Variants in TMEM233 observed in about 807,000 individuals in gnomAD.
The protein encoded by TMEM233 is transmembrane protein 233.
In TMEM233, 6 loss-of-function variants were observed where a neutral mutation model predicts 11.2. That is an observed-to-expected ratio of 0.54 (90% CI 0.29 to 1.06). TMEM233 has a LOEUF of 1.06. TMEM233 is among the 50% of genes least tolerant of loss of function. TMEM233 has a pLI of 0.08. For synonymous variants in TMEM233, 59 were observed against 55.8 expected, an observed-to-expected ratio of 1.06 and a Z score of -0.26; for missense variants, 127 against 144.7, an observed-to-expected ratio of 0.88 and a Z score of 0.63.
chr12:119,608,242 C>A (rs542678295), intron 1 of TMEM233, among the ~76,000 whole-genome samples: 14 of 152,298 alleles, frequency 9.2e-5, no homozygotes, highest in African/African-American at 3.4e-4. Flanking sequence ...AGAGAGAGGG[C>A]ACCTGATGCT....
intron 2 of TMEM233, among the ~76,000 whole-genome samples, chr12:119,633,672 G>C (rs1233807852): frequency 6.6e-6 from 1 of 152,168 alleles, no homozygotes; most frequent in South Asian, 2.1e-4. Flanking sequence ...GAGAGACAGA[G>C]AGAAAGAAGG....
At position 119,594,722 on chromosome 12, in the gene TMEM233, C is replaced by G. The variant is rs1953998793; in HGVS notation, c.186+688C>G. On this transcript the variant is annotated intron_variant, in intron 1 of 2. Coordinates refer to ENST00000426426, the MANE Select transcript of TMEM233 (RefSeq NM_001136534.3). The surrounding 1 kb of genome is among the most constrained non-coding windows in gnomAD (Gnocchi z 5.6). ...TTCCTCTCCTTGCCTCCCTCCGGCGCCCCCTTTTTAACGCGCCCGAGGCTG... is the reference window on the plus strand; with the variant it reads ...TTCCTCTCCTTGCCTCCCTCCGGCGGCCCCTTTTTAACGCGCCCGAGGCTG... Among the ~76,000 whole-genome samples, 1 of 152,174 alleles carries G rather than the reference C, an allele frequency of 6.6e-6. No individual in the cohort carries two copies. Among genetic ancestry groups the G allele is most frequent in the Non-Finnish European group, 1.5e-5 (1 of 68,032 alleles).
intron 1 of TMEM233, among the ~76,000 whole-genome samples, chr12:119,604,918 A>T (rs1407168864): frequency 2.6e-5 from 4 of 151,646 alleles, no homozygotes; most frequent in Non-Finnish European, 4.4e-5. Context: ...CAGGCATGAG[A>T]CACCATGCCT....
Position 119,625,367 on chromosome 12 carries a change from C to CT in TMEM233, c.187-4354dup, listed in dbSNP as rs538407821. ...GGAGTCCTTCTGTACATAACTTCTT[C>CT]TTTTTTTTTTTTTTTCCTTTGATAC... On this transcript the variant is annotated intron_variant, in intron 1 of 2. Transcript: ENST00000426426. Among the ~76,000 whole-genome samples the CT allele has an allele frequency of 2.2e-3, 314 of 145,604 alleles. 2 individuals are homozygous for CT. The South Asian group carries it at 0.028, about 13-fold the overall frequency.
At chr12:119,649,293 T>A in the TMEM233 span, among the ~76,000 whole-genome samples, 1 of 151,606 alleles carries the variant, frequency 6.6e-6, no homozygotes, top group African/African-American at 2.4e-5. Flanking sequence ...AGCAAAACTC[T>A]GTCTCAAAAA....
intron 1 of TMEM233, among the ~76,000 whole-genome samples, chr12:119,608,190 T>C (rs887656404): frequency 6.6e-6 from 1 of 152,144 alleles, no homozygotes; most frequent in African/African-American, 2.4e-5. Flanking sequence ...AAGTAGAAGC[T>C]CACTCTAATA....
chr12:119,635,784 G>A (rs951508454), intron 2 of TMEM233, among the ~76,000 whole-genome samples: 16 of 152,208 alleles, frequency 1.1e-4, no homozygotes, highest in African/African-American at 3.6e-4. Context: ...CTATTAATGC[G>A]CTAAAGTGGC....
intron 1 of TMEM233, among the ~76,000 whole-genome samples, chr12:119,598,303 T>C (rs1954089102): frequency 6.6e-6 from 1 of 152,144 alleles, no homozygotes; most frequent in African/African-American, 2.4e-5. Flanking sequence ...TAGCTGGAAT[T>C]TGCTACCTGA....
intron 2 of TMEM233, 94 bp downstream of exon 2, chr12:119,629,966 A>G: frequency 7.4e-7 from 1 of 1,357,702 alleles, no homozygotes; most frequent in Non-Finnish European, 9.9e-7. Context: ...TGCTCCAGTA[A>G]CAACCCCAAG....
intron 1 of TMEM233, among the ~76,000 whole-genome samples, chr12:119,619,577 G>A (rs1459342598): frequency 6.6e-6 from 1 of 151,460 alleles, no homozygotes. Context: ...GGAAGTTGAG[G>A]TTGCAGTGAG....
In TMEM233 at chr12:119,638,271, G is replaced by A. The variant is rs554629828; in HGVS notation, c.324-2428G>A. On this transcript the variant is annotated intron_variant, in intron 2 of 2. Transcript: ENST00000426426. ...GCTCAGGAGCTGGAGGCCAGCCTGG[G>A]AAACATAGCAAGATCTCATCTCTAC... 4.1e-3 allele frequency among the ~76,000 whole-genome samples: 630 copies of A among 152,200 alleles called. 2 individuals are homozygous for A. The highest frequency in any genetic ancestry group is 0.014 in the African/African-American group (593 of 41,524).
At position 119,642,887 on chromosome 12, in the gene TMEM233, G is replaced by C. The variant is rs1455298444; in HGVS notation, c.*2182G>C. ...GAGCCAGCACTTGTCCCAGGAGGAC[G>C]TTGAATCAGGGACACGAAATCTCAG... On this transcript the variant is annotated 3_prime_UTR_variant, in exon 3 of 3. Coordinates refer to ENST00000426426, the MANE Select transcript of TMEM233 (RefSeq NM_001136534.3). 6.6e-6 allele frequency: 1 copy of C among 152,100 alleles called. No homozygotes were observed. Among genetic ancestry groups the C allele is most frequent in the Non-Finnish European group, 1.5e-5 (1 of 68,026 alleles). The allele number at this position is 152,100 out of a possible 1,614,324, so 9.4% of individuals were successfully genotyped here. A position where few individuals can be genotyped will look rare whatever the true frequency, so the allele number is the denominator to read the frequency against.
Position 119,640,676 on chromosome 12 carries a change from C to T in TMEM233, c.324-23C>T, listed in dbSNP as rs570783176. On this transcript the variant is annotated intron_variant, in intron 2 of 2. Coordinates refer to ENST00000426426, the MANE Select transcript of TMEM233 (RefSeq NM_001136534.3). The stretch of plus-strand genomic sequence containing the variant: ...AGCTCAGCCCACGGTCTTTCTCTCT[C>T]TCTCTCTGTCTGTACCACACAGTGC... 1.6e-5 allele frequency: 25 copies of T among 1,549,932 alleles called. No homozygotes were observed. The South Asian group carries it at 2.5e-4, about 15-fold the overall frequency.
chr12:119,602,526 G>A (rs1446795596), intron 1 of TMEM233, among the ~76,000 whole-genome samples: 1 of 152,202 alleles, frequency 6.6e-6, no homozygotes, highest in African/African-American at 2.4e-5. Context: ...GACCCTGTCT[G>A]AAGTGTGTCA....
intron 1 of TMEM233, among the ~76,000 whole-genome samples, chr12:119,603,571 A>G (rs1447718622): frequency 6.6e-6 from 1 of 152,034 alleles, no homozygotes; most frequent in East Asian, 1.9e-4. Flanking sequence ...TGCAGACTCC[A>G]CTCCTCTTTC....
intron 1 of TMEM233, among the ~76,000 whole-genome samples, chr12:119,602,666 C>T (rs987954657): frequency 2.6e-5 from 4 of 152,176 alleles, no homozygotes; most frequent in African/African-American, 9.7e-5. Flanking sequence ...TATTTAGGAA[C>T]CTAGAATTTA....
chr12:119,651,127 G>T, the TMEM233 span, among the ~76,000 whole-genome samples: 1 of 152,190 alleles, frequency 6.6e-6, no homozygotes, highest in Non-Finnish European at 1.5e-5. Context: ...AATCCAACTG[G>T]CTTTAATAAG....
At chr12:119,615,051 G>A (rs1454886690) in intron 1 of TMEM233, among the ~76,000 whole-genome samples, 3 of 150,432 alleles carry the variant, frequency 2.0e-5, no homozygotes, top group Non-Finnish European at 4.4e-5. Flanking sequence ...CAATAAAAAA[G>A]TTCTTTCCCC....
intron 1 of TMEM233, among the ~76,000 whole-genome samples, chr12:119,614,824 T>G (rs1007434868): frequency 6.6e-6 from 1 of 152,296 alleles, no homozygotes; most frequent in South Asian, 2.1e-4. Context: ...ATGATGTACA[T>G]ATAGTGGTTA....
Sources: gnomAD v4.1 joint callset for allele counts (sites outside exome capture counted in the v4.1 genomes callset) on GRCh38, gnomAD v4.1.1 for gene constraint, Gnocchi (gnomAD v3.1) non-coding constraint, MANE v1.5 for transcripts, NCBI Gene and HGNC (gene_info 2026-07-23, HGNC 2026-07-21) for gene names.